Variants in ASIC2 observed in about 807,000 individuals in gnomAD.
ASIC2 encodes acid-sensing ion channel 2.
A neutral mutation model predicts 57.3 loss-of-function variants in ASIC2; 25 were observed. The ratio of observed to expected loss-of-function variants is 0.44; its 90% CI spans 0.32 to 0.61. The LOEUF is 0.61. ASIC2 is among the 20% of genes least tolerant of loss of function. ASIC2 has a pLI of 0.06. For missense variants in ASIC2, 641 were observed against 738.1 expected (o/e 0.87, Z 1.52); for synonymous variants, 319 against 307.5 (o/e 1.04, Z -0.39).
chr17:33,798,149 G>T (rs1911975337), intron 1 of ASIC2, among the ~76,000 whole-genome samples: 2 of 152,174 alleles, frequency 1.3e-5, no homozygotes, highest in Non-Finnish European at 2.9e-5. Flanking sequence ...CTAGCGAGAT[G>T]AGGAGGTAAA....
intron 1 of ASIC2, among the ~76,000 whole-genome samples, chr17:33,929,776 A>C (rs1915892630): frequency 6.6e-6 from 1 of 152,176 alleles, no homozygotes; most frequent in South Asian, 2.1e-4. Context: ...CACCTTAGCC[A>C]AAATAGCCTA....
At chr17:34,022,637 A>AAAC (rs1464748284) in intron 1 of ASIC2, among the ~76,000 whole-genome samples, 6 of 150,964 alleles carry the variant, frequency 4.0e-5, no homozygotes, top group Admixed American at 1.3e-4. Context: ...ATGAAAAAAA[A>AAAC]AAACAAAAAA....
At chr17:34,033,010 G>A (rs11650670) in intron 1 of ASIC2, among the ~76,000 whole-genome samples, 24,483 of 152,068 alleles carry the variant, frequency 0.16, 2,057 homozygotes, top group South Asian at 0.23. Context: ...TGCACCAAGC[G>A]GACCTTGTAG....
chr17:33,120,174 G>T (rs9914604), intron 1 of ASIC2, among the ~76,000 whole-genome samples: 2 of 152,142 alleles, frequency 1.3e-5, no homozygotes, highest in African/African-American at 4.8e-5. Context: ...ATATGGTAAC[G>T]TGACCCCCTT....
intron 1 of ASIC2, among the ~76,000 whole-genome samples, chr17:33,123,215 C>T (rs955420329): frequency 6.6e-6 from 1 of 152,190 alleles, no homozygotes; most frequent in Non-Finnish European, 1.5e-5. Context: ...GCACTATTTA[C>T]AATAGCCAAG....
At chr17:33,442,743 G>A (rs1256343516) in intron 1 of ASIC2, among the ~76,000 whole-genome samples, 1 of 150,982 alleles carries the variant, frequency 6.6e-6, no homozygotes, top group Non-Finnish European at 1.5e-5. Context: ...TTTTTTCTCT[G>A]TGTTTCCTAT....
At chr17:33,795,075 A>G (rs1364764486) in intron 1 of ASIC2, among the ~76,000 whole-genome samples, 2 of 152,194 alleles carry the variant, frequency 1.3e-5, no homozygotes, top group African/African-American at 4.8e-5. Context: ...TAATCAGAGC[A>G]AAGCTGGAGA....
chr17:33,969,591 T>C (rs1291518288), intron 1 of ASIC2, among the ~76,000 whole-genome samples: 1 of 152,134 alleles, frequency 6.6e-6, no homozygotes, highest in African/African-American at 2.4e-5. Context: ...TTGTGGACAA[T>C]TGAGGCTCCG....
chr17:34,003,868 G>A (rs1426060889), intron 1 of ASIC2: 1 of 152,186 alleles, frequency 6.6e-6, no homozygotes, highest in Non-Finnish European at 1.5e-5. Context: ...AAGACTGTGT[G>A]TTTCCGTATC....
intron 1 of ASIC2, among the ~76,000 whole-genome samples, chr17:33,973,412 T>C (rs1382622828): frequency 1.3e-5 from 2 of 152,144 alleles, no homozygotes; most frequent in Non-Finnish European, 2.9e-5. Context: ...AAGCTGTGCT[T>C]AAAGAGCCCT....
intron 1 of ASIC2, among the ~76,000 whole-genome samples, chr17:33,843,724 G>T (rs576337145): frequency 1.4e-4 from 21 of 152,334 alleles, no homozygotes; most frequent in African/African-American, 5.0e-4. Flanking sequence ...AAAGAGAGTA[G>T]TTGGAAAATT....
chr17:33,930,190 G>C (rs975368440), intron 1 of ASIC2, among the ~76,000 whole-genome samples: 2 of 152,208 alleles, frequency 1.3e-5, no homozygotes, highest in African/African-American at 4.8e-5. Flanking sequence ...CGCAAAGCAG[G>C]GAAAACGGGA....
intron 1 of ASIC2, among the ~76,000 whole-genome samples, chr17:33,940,870 C>T (rs1916175263): frequency 2.0e-5 from 3 of 152,206 alleles, no homozygotes; most frequent in Admixed American, 2.0e-4. Context: ...ATATGACCGC[C>T]CCGTGGCCTG....
chr17:33,584,748 C>T (rs2062979902), intron 1 of ASIC2, among the ~76,000 whole-genome samples: 1 of 152,078 alleles, frequency 6.6e-6, no homozygotes, highest in African/African-American at 2.4e-5. Context: ...GGAGTGACCC[C>T]TCCTGCCTAG....
At chr17:33,273,049 C>T (rs916582800) in intron 1 of ASIC2, among the ~76,000 whole-genome samples, 1 of 152,148 alleles carries the variant, frequency 6.6e-6, no homozygotes, top group Non-Finnish European at 1.5e-5. Flanking sequence ...TAAGAAATTG[C>T]CCCGAGTTTG....
At chr17:33,713,497 A>G (rs913169613) in intron 1 of ASIC2, among the ~76,000 whole-genome samples, 1 of 152,142 alleles carries the variant, frequency 6.6e-6, no homozygotes, top group Non-Finnish European at 1.5e-5. Flanking sequence ...CCGTCCTCAC[A>G]TGGTATTCTC....
intron 1 of ASIC2, among the ~76,000 whole-genome samples, chr17:33,694,343 CG>C (rs763274497): frequency 6.6e-6 from 1 of 152,190 alleles, no homozygotes; most frequent in Non-Finnish European, 1.5e-5. Context: ...TACCCTGGGA[CG>C]GGAGCACCGT....
chr17:33,505,073 A>C (rs1914209075), intron 1 of ASIC2, among the ~76,000 whole-genome samples: 1 of 152,194 alleles, frequency 6.6e-6, no homozygotes, highest in South Asian at 2.1e-4. Flanking sequence ...AGCATGGCAA[A>C]TAGCACAATA....
intron 1 of ASIC2, chr17:33,534,334 G>A (rs906444669): frequency 1.3e-5 from 2 of 152,184 alleles, no homozygotes; most frequent in Non-Finnish European, 2.9e-5. Flanking sequence ...ATCAAGCTGA[G>A]AGGGAGAAGT....
Sources: allele counts gnomAD v4.1 joint callset (sites outside exome capture counted in the v4.1 genomes callset), GRCh38; gene constraint gnomAD v4.1.1; transcripts MANE v1.5; gene names NCBI Gene and HGNC (gene_info 2026-07-23, HGNC 2026-07-21).